MAML2: variants seen among roughly 807,000 people sequenced by gnomAD.
MAML2 encodes the protein mastermind-like protein 2.
A neutral mutation model predicts 96.1 loss-of-function variants in MAML2; 22 were observed. That is an observed-to-expected ratio of 0.23 (90% CI 0.16 to 0.33). The LOEUF is 0.33. Among genes scored for constraint, MAML2 ranks in the 10% least tolerant of loss-of-function variants. MAML2 has a pLI of 1.00. For missense variants in MAML2, 1,367 were observed against 1,392.4 expected, an observed-to-expected ratio of 0.98 and a Z score of 0.29; for synonymous variants, 561 against 521.3, an observed-to-expected ratio of 1.08 and a Z score of -1.04.
chr11:96,240,210 T>C (rs565696922), intron 1 of MAML2, among the ~76,000 whole-genome samples: 1 of 152,326 alleles, frequency 6.6e-6, no homozygotes, highest in South Asian at 2.1e-4. Flanking sequence ...CTGTGATTAT[T>C]CTTTCTCCAG....
chr11:96,095,272 G>T (rs1008224450), intron 1 of MAML2, among the ~76,000 whole-genome samples: 3 of 152,250 alleles, frequency 2.0e-5, no homozygotes, highest in Admixed American at 1.3e-4. Flanking sequence ...GAATGGCCAG[G>T]ATGCAGTATA....
intron 1 of MAML2, among the ~76,000 whole-genome samples, chr11:96,213,805 A>T (rs1346576574): frequency 2.0e-5 from 3 of 152,190 alleles, no homozygotes; most frequent in Admixed American, 2.0e-4. Flanking sequence ...TAAAATTAAC[A>T]ATTTTCAATG....
intron 1 of MAML2, among the ~76,000 whole-genome samples, chr11:96,138,350 C>T (rs992004180): frequency 3.9e-5 from 6 of 152,164 alleles, no homozygotes; most frequent in Non-Finnish European, 8.8e-5. Flanking sequence ...TATTACTGCC[C>T]CTTGCCTAGG....
At chr11:96,077,306 T>C (rs932311269) in intron 2 of MAML2, among the ~76,000 whole-genome samples, 1 of 141,978 alleles carries the variant, frequency 7.0e-6, no homozygotes, top group Non-Finnish European at 1.5e-5. Flanking sequence ...CTGCAACCTC[T>C]GCCTTCTGGG....
At chr11:96,191,758 G>A (rs1238615142) in intron 1 of MAML2, among the ~76,000 whole-genome samples, 9 of 129,870 alleles carry the variant, frequency 6.9e-5, no homozygotes, top group East Asian at 2.4e-4. Context: ...GCAACAGAGC[G>A]AAACTCTGTC....
intron 1 of MAML2, among the ~76,000 whole-genome samples, chr11:96,099,458 T>C (rs1341765032): frequency 6.6e-6 from 1 of 152,188 alleles, no homozygotes; most frequent in Non-Finnish European, 1.5e-5. Context: ...CTGAGCTTCC[T>C]TGTATTACTA....
intron 2 of MAML2, among the ~76,000 whole-genome samples, chr11:96,006,513 A>T (rs1182698628): frequency 6.7e-6 from 1 of 150,250 alleles, no homozygotes; most frequent in Non-Finnish European, 1.5e-5. Context: ...CAGTACCTAA[A>T]TTTTTTATTA....
At chr11:96,216,782 G>A (rs1237674520) in intron 1 of MAML2, among the ~76,000 whole-genome samples, 2 of 152,208 alleles carry the variant, frequency 1.3e-5, no homozygotes, top group Non-Finnish European at 2.9e-5. Context: ...TTCTCACAGA[G>A]GGTGTGAATT....
rs137923572 is a variant in MAML2, at chr11:96,342,345, C to G, written c.-450G>C. 133 of 400,354 alleles carry G rather than the reference C, an allele frequency of 3.3e-4. No individual in the cohort carries two copies. The highest frequency in any genetic ancestry group is 2.4e-3 in the African/African-American group (118 of 48,730). The allele number at this position is 400,354 out of a possible 1,614,324, so 24.8% of individuals were successfully genotyped here. On this transcript the variant is annotated 5_prime_UTR_variant, in exon 1 of 5. Transcript: ENST00000524717. Reference sequence around the variant, plus strand: ...GAGGTATTAATAGAGAGGACTCCCCCTCACCTAGTTGTTTCCGACAATTCT... The same window carrying G: ...GAGGTATTAATAGAGAGGACTCCCCGTCACCTAGTTGTTTCCGACAATTCT...
At chr11:96,033,556 GA>G (rs1230134384) in intron 2 of MAML2, among the ~76,000 whole-genome samples, 1 of 152,170 alleles carries the variant, frequency 6.6e-6, no homozygotes, top group African/African-American at 2.4e-5. Context: ...TACTAGACTT[GA>G]CGCACTGTAA....
At chr11:95,998,489 A>T (rs2135715772) in intron 2 of MAML2, among the ~76,000 whole-genome samples, 1 of 152,284 alleles carries the variant, frequency 6.6e-6, no homozygotes. Flanking sequence ...CAGGTGCTAG[A>T]GAAATGGAGA....
chr11:96,265,511 G>A (rs1442406345), intron 1 of MAML2, among the ~76,000 whole-genome samples: 1 of 150,054 alleles, frequency 6.7e-6, no homozygotes. Flanking sequence ...CATGGTCCCA[G>A]GTTAGGACTC....
At chr11:96,055,167 T>A (rs2055779997) in intron 2 of MAML2, among the ~76,000 whole-genome samples, 2 of 152,178 alleles carry the variant, frequency 1.3e-5, no homozygotes, top group Admixed American at 1.3e-4. Context: ...TTGCTGGAAA[T>A]ATAATTAAGG....
chr11:96,290,266 G>A (rs1343435548), intron 1 of MAML2, among the ~76,000 whole-genome samples: 1 of 152,158 alleles, frequency 6.6e-6, no homozygotes, highest in Non-Finnish European at 1.5e-5. Flanking sequence ...CAATCCAGTA[G>A]AGACCACTTG....
chr11:96,047,650 C>T (rs569035192), intron 2 of MAML2, among the ~76,000 whole-genome samples: 11 of 152,078 alleles, frequency 7.2e-5, no homozygotes, highest in African/African-American at 2.4e-4. Flanking sequence ...GTGGCTCATG[C>T]CTGTAATCCC....
intron 2 of MAML2, among the ~76,000 whole-genome samples, chr11:96,051,047 G>A (rs1181657638): frequency 7.8e-6 from 1 of 128,460 alleles, no homozygotes; most frequent in East Asian, 2.7e-4. Flanking sequence ...TTGCATGTTG[G>A]TTTAGTGTCA....
At chr11:96,320,516 G>C (rs1054288677) in intron 1 of MAML2, among the ~76,000 whole-genome samples, 3 of 152,204 alleles carry the variant, frequency 2.0e-5, no homozygotes, top group African/African-American at 4.8e-5. Flanking sequence ...AGATCTAATA[G>C]GAGTGGAGTA....
At chr11:96,117,383 C>T (rs968053936) in intron 1 of MAML2, among the ~76,000 whole-genome samples, 7 of 151,816 alleles carry the variant, frequency 4.6e-5, no homozygotes, top group Non-Finnish European at 7.4e-5. Context: ...ACAGCCTCAA[C>T]CTCCTGGGTT....
chr11:96,126,952 G>A (rs1166814972), intron 1 of MAML2, among the ~76,000 whole-genome samples: 1 of 152,118 alleles, frequency 6.6e-6, no homozygotes, highest in African/African-American at 2.4e-5. Flanking sequence ...GAGCAGTATG[G>A]CCAGTGCAGT....
Sources: gnomAD v4.1 joint callset for allele counts (sites outside exome capture counted in the v4.1 genomes callset) on GRCh38, gnomAD v4.1.1 for gene constraint, MANE v1.5 for transcripts, NCBI Gene and HGNC (gene_info 2026-07-23, HGNC 2026-07-21) for gene names.